ZNRF2: variants seen among roughly 807,000 people sequenced by gnomAD.
The protein encoded by ZNRF2 is zinc and ring finger 2, also known as E3 ubiquitin-protein ligase ZNRF2.
In ZNRF2, 16 loss-of-function variants were observed where a neutral mutation model predicts 20.4. The ratio of observed to expected loss-of-function variants is 0.79; its 90% CI spans 0.53 to 1.19. ZNRF2 has a LOEUF of 1.19. ZNRF2 is among the 50% of genes most tolerant of loss of function. The probability of loss-of-function intolerance (pLI) is 0.00; values close to 1 mark genes in which losing one functional copy is unlikely to be tolerated. For missense variants in ZNRF2, 363 were observed against 332.4 expected (o/e 1.09, Z -0.72); for synonymous variants, 178 against 144.9 (o/e 1.23, Z -1.64).
intron 3 of ZNRF2, among the ~76,000 whole-genome samples, chr7:30,360,625 GC>G (rs1800112271): frequency 6.6e-6 from 1 of 152,094 alleles, no homozygotes; most frequent in Non-Finnish European, 1.5e-5. Flanking sequence ...CCGGGAGGCG[GC>G]AGAGTTTGCA....
intron 2 of ZNRF2, among the ~76,000 whole-genome samples, chr7:30,329,358 G>C (rs1431222443): frequency 1.3e-5 from 2 of 152,118 alleles, no homozygotes; most frequent in Non-Finnish European, 2.9e-5. Flanking sequence ...TAGTTGTCCT[G>C]TTGTGCTTCC....
chr7:30,357,273 C>G (rs182415792), intron 3 of ZNRF2, among the ~76,000 whole-genome samples: 4 of 152,230 alleles, frequency 2.6e-5, no homozygotes, highest in Admixed American at 1.3e-4. Flanking sequence ...TAAAGCAAAT[C>G]GCAGCAAAGT....
At position 30,299,685 on chromosome 7, in the gene ZNRF2, A is replaced by G. The variant is rs115152849; in HGVS notation, c.469+13859A>G. ...AATTCATTTACATACTTTTAAGTAC[A>G]TAGAAAAAAGTAGTTTCATTTTGTA... On this transcript the variant is annotated intron_variant, in intron 1 of 4. Transcript: ENST00000323037. 7.3e-3 allele frequency among the ~76,000 whole-genome samples: 1,112 copies of G among 152,142 alleles called. 17 individuals are homozygous for G. Among genetic ancestry groups the G allele is most frequent in the African/African-American group, 0.026 (1,069 of 41,468 alleles).
chr7:30,353,111 A>G (rs1184654936), intron 2 of ZNRF2, among the ~76,000 whole-genome samples: 1 of 152,128 alleles, frequency 6.6e-6, no homozygotes, highest in African/African-American at 2.4e-5. Flanking sequence ...TCTAGTGGAA[A>G]CAAGACTTTA....
chr7:30,344,591 T>A (rs1191151578), intron 2 of ZNRF2, among the ~76,000 whole-genome samples: 2 of 152,148 alleles, frequency 1.3e-5, no homozygotes, highest in African/African-American at 4.8e-5. Flanking sequence ...CTCACCTCTT[T>A]TAATTTTTGC....
At chr7:30,362,285 AAT>A in intron 3 of ZNRF2, 90 bp from the exon 4 acceptor site, 1 of 810,374 alleles carries the variant, frequency 1.2e-6, no homozygotes, top group African/African-American at 1.7e-5. Context: ...TTCTGTAAAA[AAT>A]ATATTAAAGT....
chr7:30,366,884 T>C lies in ZNRF2; in HGVS notation c.*872T>C, dbSNP rs938854684. The C allele has an allele frequency of 2.6e-5, 4 of 152,578 alleles. No individual in the cohort carries two copies. Among genetic ancestry groups the C allele is most frequent in the South Asian group, 2.1e-4 (1 of 4,834 alleles). 9.5% of individuals were successfully genotyped at this position (152,578 alleles called of 1,614,324 possible). A position where few individuals can be genotyped will look rare whatever the true frequency, so the allele number is the denominator to read the frequency against. ...CAAGTGCTGCCAGCTAAAATAACTG[T>C]TTTAACGGGTATCTTTTGTTTGTTC... On this transcript the variant is annotated 3_prime_UTR_variant, in exon 5 of 5. Transcript: ENST00000323037.
intron 2 of ZNRF2, among the ~76,000 whole-genome samples, chr7:30,326,199 T>C (rs1799549496): frequency 6.6e-6 from 1 of 152,162 alleles, no homozygotes; most frequent in South Asian, 2.1e-4. Flanking sequence ...TAAACTTGTG[T>C]CATGGGGGTT....
chr7:30,366,473 C>T lies in ZNRF2; in HGVS notation c.*461C>T, dbSNP rs568296683. 2 of 152,614 alleles carry T rather than the reference C, an allele frequency of 1.3e-5. No homozygotes were observed. The highest frequency in any genetic ancestry group is 4.8e-5 in the African/African-American group (2 of 41,538). The allele number at this position is 152,614 out of a possible 1,614,324, so 9.5% of individuals were successfully genotyped here. A position where few individuals can be genotyped will look rare whatever the true frequency, so the allele number is the denominator to read the frequency against. ...ATGTTCATAATGTTTCTGCATTCAT[C>T]TGTTCTTAAATTGAAAAACATATAA... is the stretch of plus-strand genomic sequence containing the variant. On this transcript the variant is annotated 3_prime_UTR_variant, in exon 5 of 5. Transcript: ENST00000323037.
At chr7:30,331,268 C>T (rs1344897573) in intron 2 of ZNRF2, among the ~76,000 whole-genome samples, 1 of 151,798 alleles carries the variant, frequency 6.6e-6, no homozygotes, top group Non-Finnish European at 1.5e-5. Context: ...AATTATTACC[C>T]CTAAGAACTT....
intron 1 of ZNRF2, among the ~76,000 whole-genome samples, chr7:30,314,015 C>G (rs568241531): frequency 6.6e-6 from 1 of 152,280 alleles, no homozygotes; most frequent in South Asian, 2.1e-4. Context: ...TCCATGAGAG[C>G]TGACCTGTCC....
At position 30,285,841 on chromosome 7, in the gene ZNRF2, C is replaced by T; in HGVS notation, c.469+15C>T. The stretch of plus-strand genomic sequence containing the variant: ...CATGTTTGGAGGTACGGACCCCTCT[C>T]CGCGCACCCGCGCTCGGTCCTCCCG... On this transcript the variant is annotated intron_variant, in intron 1 of 4. Transcript: ENST00000323037. The T allele has an allele frequency of 1.4e-6, 2 of 1,479,414 alleles. No individual in the cohort carries two copies. Among genetic ancestry groups the T allele is most frequent in the Non-Finnish European group, 1.8e-6 (2 of 1,123,230 alleles). The allele number at this position is 1,479,414 out of a possible 1,614,324, so 91.6% of individuals were successfully genotyped here. A position where few individuals can be genotyped will look rare whatever the true frequency, so the allele number is the denominator to read the frequency against.
At chr7:30,330,282 A>G (rs1469298211) in intron 2 of ZNRF2, among the ~76,000 whole-genome samples, 2 of 152,198 alleles carry the variant, frequency 1.3e-5, no homozygotes, top group African/African-American at 2.4e-5. Context: ...GAATCAAAAC[A>G]GAGCTATTCA....
rs139546052 is a variant in ZNRF2, at chr7:30,362,351, A to G, written c.672-26A>G. ...ATAAATAATTAGTATAAGTATCTCA[A>G]TTTTTCTGGTTTTGTTCCTTTCTAG... On this transcript the variant is annotated intron_variant, in intron 3 of 4. Coordinates refer to ENST00000323037, the MANE Select transcript of ZNRF2 (RefSeq NM_147128.4). 7.4e-3 allele frequency: 11,282 copies of G among 1,534,298 alleles called. 47 individuals are homozygous for G. The highest frequency in any genetic ancestry group is 8.9e-3 in the Non-Finnish European group (10,029 of 1,128,636).
At chr7:30,343,911 CTTTT>C (rs34643391) in intron 2 of ZNRF2, among the ~76,000 whole-genome samples, 4 of 81,514 alleles carry the variant, frequency 4.9e-5, no homozygotes, top group Non-Finnish European at 4.9e-5. Flanking sequence ...GGGTGGCCAG[CTTTT>C]TTTTTTTTTT....
chr7:30,335,597 T>C (rs1255032710), intron 2 of ZNRF2, among the ~76,000 whole-genome samples: 1 of 152,038 alleles, frequency 6.6e-6, no homozygotes, highest in Non-Finnish European at 1.5e-5. Flanking sequence ...ACAGTAAAAA[T>C]AAATTAGTTC....
chr7:30,322,515 GC>G (rs1799486715), intron 1 of ZNRF2, among the ~76,000 whole-genome samples: 1 of 152,106 alleles, frequency 6.6e-6, no homozygotes. Context: ...TCTTTCTTGT[GC>G]TTGCCTATAG....
chr7:30,298,181 C>G (rs1351029391), intron 1 of ZNRF2, among the ~76,000 whole-genome samples: 5 of 150,876 alleles, frequency 3.3e-5, no homozygotes, highest in East Asian at 3.9e-4. Context: ...GGTACAATAC[C>G]TTTTTCTAAG....
intron 2 of ZNRF2, among the ~76,000 whole-genome samples, chr7:30,328,506 A>G (rs150490343): frequency 6.6e-6 from 1 of 152,346 alleles, no homozygotes; most frequent in African/African-American, 2.4e-5. Flanking sequence ...ATAAACATTC[A>G]TAGTTATAAC....
Sources: gnomAD v4.1 joint callset for allele counts (sites outside exome capture counted in the v4.1 genomes callset) on GRCh38, gnomAD v4.1.1 for gene constraint, MANE v1.5 for transcripts, NCBI Gene and HGNC (gene_info 2026-07-23, HGNC 2026-07-21) for gene names.